Variants in THOC1 observed in about 807,000 individuals in gnomAD.
THOC1 encodes THO complex subunit 1, also known as THO complex 1.
Under a neutral mutation model 97.3 loss-of-function variants are expected in THOC1, and 29 were observed. The observed-to-expected ratio is 0.30, with a 90% CI of 0.22 to 0.41. THOC1 has a LOEUF of 0.41. Ranked by LOEUF, THOC1 falls within the 10% of genes least tolerant of loss-of-function variation. The probability of loss-of-function intolerance (pLI) is 1.00; values close to 1 mark genes in which losing one functional copy is unlikely to be tolerated. For synonymous variants in THOC1, 255 were observed against 257.0 expected (o/e 0.99, Z 0.07); for missense variants, 529 against 761.9 (o/e 0.69, Z 3.60).
intron 3 of THOC1, among the ~76,000 whole-genome samples, chr18:264,520 C>T (rs1912703365): frequency 6.6e-6 from 1 of 152,146 alleles, no homozygotes; most frequent in African/African-American, 2.4e-5. Context: ...TCATAATAAC[C>T]AGCATTTACT....
chr18:223,325 T>A, intron 17 of THOC1, 115 bp downstream of exon 17: 1 of 776,304 alleles, frequency 1.3e-6, no homozygotes, highest in East Asian at 3.0e-5. Flanking sequence ...GTGCCAAAAG[T>A]CAACCACAAT....
rs1457722400 is a variant in THOC1, at chr18:254,568, G to GT, written c.521-214dup. Among the ~76,000 whole-genome samples, 1 of 106,074 alleles carries GT rather than the reference G, an allele frequency of 9.4e-6. No individual in the cohort carries two copies. Among genetic ancestry groups the GT allele is most frequent in the Non-Finnish European group, 2.5e-5 (1 of 40,742 alleles). The allele number at this position is 106,074 out of a possible 152,430, so 69.6% of individuals were successfully genotyped here. ...GTTTTGTTGTTCTTCACAGTTTCTT[G>GT]TTTTTTTAAATAAATTGAATGGCAA... On this transcript the variant is annotated intron_variant, in intron 7 of 20. Transcript: ENST00000261600. This position sits in a 1 kb window ranked among gnomAD's most constrained non-coding sequence, Gnocchi z 4.1.
chr18:265,424 G>T (rs1453972938), intron 2 of THOC1, 33 bp downstream of exon 2: 3 of 1,586,168 alleles, frequency 1.9e-6, no homozygotes, highest in Non-Finnish European at 2.6e-6. Context: ...TAAAGATTGA[G>T]GCAAGTATTT....
intron 3 of THOC1, 123 bp downstream of exon 3, chr18:265,180 A>G: frequency 1.3e-6 from 1 of 758,508 alleles, no homozygotes. Context: ...CAACTTTTAC[A>G]AAGCAGAAAG....
rs202094284 is a variant in THOC1 at position 224,820 on chromosome 18, AT to A, written c.1208+103del. On this transcript the variant is annotated intron_variant, in intron 15 of 20. Transcript: ENST00000261600. ...TACATTTTTTATGTGAAATATATAC[AT>A]GTATTTTTACATGCTATAATCATAT... is the stretch of plus-strand genomic sequence containing the variant. 1.7e-3 allele frequency: 1,531 copies of A among 889,722 alleles called. 8 individuals carry two copies. In the African/African-American group the frequency reaches 0.02, roughly 11 times the overall value. 55.1% of individuals were successfully genotyped at this position (889,722 alleles called of 1,614,324 possible).
Position 252,593 on chromosome 18 carries a change from T to C in THOC1, c.623A>G (p.Glu208Gly), listed in dbSNP as rs1444815594. The change falls in exon 9 of 21, where the codon GAA (glutamate) becomes GGA (glycine). Residue 208 changes from glutamate to glycine, a missense_variant. Glu to Gly is a moderately conservative substitution (Grantham distance 98). Transcript: ENST00000261600. ...TTCGCCTTCTTCTACATCCATTCCT[T>C]CTTCTCTATCTTCAGTGTGCTAAAT... Reference protein sequence around the residue: ...LGQKHTEDREEGMDVEEGEMG... With the variant: ...LGQKHTEDREGGMDVEEGEMG... The C allele has an allele frequency of 6.2e-7, 1 of 1,607,436 alleles. No individual in the cohort carries two copies. Among genetic ancestry groups the C allele is most frequent in the Admixed American group, 1.7e-5 (1 of 58,212 alleles).
intron 9 of THOC1, among the ~76,000 whole-genome samples, chr18:248,296 C>A (rs1912160893): frequency 6.6e-6 from 1 of 152,144 alleles, no homozygotes; most frequent in Admixed American, 6.5e-5. Flanking sequence ...ATATGTGCAA[C>A]TTTTGGGCCA....
rs1211223327 is a variant in THOC1, at chr18:260,162, AG to A, written c.375+23del. The A allele has an allele frequency of 7.1e-6, 10 of 1,403,726 alleles. No homozygotes were observed. In the African/African-American group the frequency reaches 1.5e-4, roughly 21 times the overall value. 87.0% of individuals were successfully genotyped at this position (1,403,726 alleles called of 1,614,324 possible). ...GGATCTATAGAAAGATAAAGTTAGC[AG>A]GAAAAGAAACTAAGGCACTTACTGA... On this transcript the variant is annotated intron_variant, in intron 5 of 20. Transcript: ENST00000261600.
chr18:259,297 C>A (rs758153771), intron 6 of THOC1, 22 bp from the exon 7 acceptor site: 16 of 1,546,674 alleles, frequency 1.0e-5, no homozygotes, highest in Middle Eastern at 1.7e-4. Flanking sequence ...TGAAAATGAA[C>A]GTTACACAGA....
chr18:217,494 T>C (rs141570304), intron 18 of THOC1, among the ~76,000 whole-genome samples: 2,467 of 152,360 alleles, frequency 0.016, 29 homozygotes, highest in Middle Eastern at 0.048. Flanking sequence ...CCTAGTCTTA[T>C]GTAACAGTGA....
chr18:252,742 C>G, intron 8 of THOC1, 130 bp from the exon 9 acceptor site: 1 of 710,774 alleles, frequency 1.4e-6, no homozygotes, highest in Non-Finnish European at 2.4e-6. Context: ...CACTAACTAT[C>G]TAGACCTATA....
intron 17 of THOC1, among the ~76,000 whole-genome samples, chr18:220,502 GTGAC>G (rs947280144): frequency 8.7e-4 from 133 of 152,328 alleles, no homozygotes; most frequent in African/African-American, 3.1e-3. Flanking sequence ...TTCAGATAGA[GTGAC>G]TGTGCCATCA....
chr18:229,176 T>A (rs552040692), intron 11 of THOC1, among the ~76,000 whole-genome samples: 3 of 152,166 alleles, frequency 2.0e-5, no homozygotes, highest in Non-Finnish European at 4.4e-5. Flanking sequence ...ACAATTGAGT[T>A]CCATCAACTA....
At position 254,287 on chromosome 18, in the gene THOC1, T is replaced by A; in HGVS notation, c.589A>T (p.Thr197Ser). 6 of 1,581,908 alleles carry A rather than the reference T, an allele frequency of 3.8e-6. No homozygotes were observed. Among genetic ancestry groups the A allele is most frequent in the Non-Finnish European group, 5.2e-6 (6 of 1,162,622 alleles). The change falls in exon 8 of 21, where the codon ACC becomes TCC. Residue 197 changes from threonine (T) to serine (S), a missense_variant. By Grantham distance (58) the Thr-to-Ser change is moderately conservative. Around this residue, in one of 8 missense-constraint regions of THOC1, gnomAD observed 92 missense variants for 127.0 expected, o/e 0.72. Coordinates refer to ENST00000261600, the MANE Select transcript of THOC1 (RefSeq NM_005131.3). This position sits in a 1 kb window ranked among gnomAD's most constrained non-coding sequence, Gnocchi z 4.1. The stretch of plus-strand genomic sequence containing the variant: ...ATCAGCCTCACCTTCTGACCCAGGG[T>A]GCTTTCCTGCTCATTTGTATTGAAA... Reference protein sequence around the residue: ...TVFNTNEQESTLGQKHTEDRE... With the variant: ...TVFNTNEQESSLGQKHTEDRE...
chr18:252,748 C>G, intron 8 of THOC1, 136 bp from the exon 9 acceptor site: 1 of 688,640 alleles, frequency 1.5e-6, no homozygotes, highest in East Asian at 2.7e-5. Flanking sequence ...CTATCTAGAC[C>G]TATAGTTAAT....
At chr18:252,633 A>G in intron 8 of THOC1, 21 bp from the exon 9 acceptor site, 1 of 1,581,136 alleles carries the variant, frequency 6.3e-7, no homozygotes. Flanking sequence ...AAAAAAATGT[A>G]TAGCCTGTCA....
chr18:236,402 C>CG (rs924650068), intron 11 of THOC1, among the ~76,000 whole-genome samples: 6 of 130,888 alleles, frequency 4.6e-5, no homozygotes, highest in South Asian at 2.4e-4. Context: ...GTCGCCCAGG[C>CG]GGGAGTGCAG....
intron 7 of THOC1, among the ~76,000 whole-genome samples, chr18:258,342 A>G (rs1305832702): frequency 6.6e-6 from 1 of 152,176 alleles, no homozygotes; most frequent in Non-Finnish European, 1.5e-5. Flanking sequence ...TTTTTAGGCA[A>G]AACACAGACC....
In THOC1 at chr18:254,022, C is replaced by T. The variant is rs926868913; in HGVS notation, c.603+251G>A. Among the ~76,000 whole-genome samples the T allele has an allele frequency of 2.0e-5, 3 of 151,692 alleles. 1 individual carries two copies. Among genetic ancestry groups the T allele is most frequent in the Middle Eastern group, 6.8e-3 (2 of 292 alleles). ...CCTCCCTGGGCTGAGGCGATTCTCC[C>T]ACCTCAGCCTCTCGAGTAGCTGGGA... is the stretch of plus-strand genomic sequence containing the variant. On this transcript the variant is annotated intron_variant, in intron 8 of 20. Coordinates refer to ENST00000261600, the MANE Select transcript of THOC1 (RefSeq NM_005131.3). This position sits in a 1 kb window ranked among gnomAD's most constrained non-coding sequence, Gnocchi z 4.1.
Sources: gnomAD v4.1 joint callset for allele counts (sites outside exome capture counted in the v4.1 genomes callset) on GRCh38, gnomAD v4.1.1 for gene constraint, gnomAD v4.1.1 regional missense constraint, Gnocchi (gnomAD v3.1) non-coding constraint, MANE v1.5 for transcripts, NCBI Gene and HGNC (gene_info 2026-07-23, HGNC 2026-07-21) for gene names.